The following UGGT2 variants were observed in gnomAD, a reference collection of about 807,000 sequenced individuals.
UGGT2 encodes the protein UDP-glucose glycoprotein glucosyltransferase 2.
A neutral mutation model predicts 192.1 loss-of-function variants in UGGT2; 180 were observed. The observed-to-expected ratio is 0.94, with a 90% CI of 0.83 to 1.06. The LOEUF (loss-of-function observed/expected upper bound fraction) is 1.06. Among genes scored for constraint, UGGT2 ranks in the 50% least tolerant of loss-of-function variants. UGGT2 has a pLI of 0.00. For missense variants in UGGT2, 1,849 were observed against 1,795.7 expected (o/e 1.03, Z -0.54); for synonymous variants, 580 against 591.0 (o/e 0.98, Z 0.27).
intron 38 of UGGT2, among the ~76,000 whole-genome samples, chr13:95,817,645 C>T (rs1427307572): frequency 2.0e-5 from 3 of 152,074 alleles, no homozygotes; most frequent in African/African-American, 2.4e-5. Context: ...ATACCTAAAA[C>T]TTACGAATGT....
At chr13:95,911,853 C>A (rs2048509349) in intron 20 of UGGT2, among the ~76,000 whole-genome samples, 1 of 152,162 alleles carries the variant, frequency 6.6e-6, no homozygotes, top group African/African-American at 2.4e-5. Flanking sequence ...TACTGGCAAA[C>A]CAAATCCAGC....
chr13:95,845,576 A>G (rs909512103), intron 36 of UGGT2, among the ~76,000 whole-genome samples: 2 of 151,660 alleles, frequency 1.3e-5, no homozygotes, highest in Admixed American at 6.6e-5. Flanking sequence ...TTCTTTCTAC[A>G]CAGACACAGT....
Position 95,859,578 on chromosome 13 carries a change from G to C in UGGT2, c.3825+13C>G, listed in dbSNP as rs770802796. 7.5e-6 allele frequency: 12 copies of C among 1,591,882 alleles called. No individual in the cohort carries two copies. Among genetic ancestry groups the C allele is most frequent in the Non-Finnish European group, 8.6e-6 (10 of 1,163,664 alleles). ...AAACATTAACCATTCTACAAAAAAAGCTATGTACTTACTTTAAATGTCGGT... is the reference window on the plus strand; with the variant it reads ...AAACATTAACCATTCTACAAAAAAACCTATGTACTTACTTTAAATGTCGGT... On this transcript the variant is annotated intron_variant, in intron 33 of 38. Transcript: ENST00000376747.
intron 12 of UGGT2, among the ~76,000 whole-genome samples, chr13:95,968,217 A>AGTAC (rs1301320383): frequency 2.2e-4 from 34 of 152,116 alleles, no homozygotes; most frequent in African/African-American, 8.0e-4. Context: ...ATATTTATTG[A>AGTAC]GTACCACTAA....
At chr13:96,051,676 G>A (rs559573452) in intron 1 of UGGT2, among the ~76,000 whole-genome samples, 1 of 151,354 alleles carries the variant, frequency 6.6e-6, no homozygotes, top group South Asian at 2.1e-4. Context: ...GTGGGCTAAG[G>A]ACATGAATAG....
chr13:95,895,392 T>C (rs1594256864), intron 22 of UGGT2, 88 bp from the exon 23 acceptor site: 1 of 843,258 alleles, frequency 1.2e-6, no homozygotes, highest in South Asian at 2.6e-5. Context: ...GATATTTCTT[T>C]ATTAAGCAAA....
intron 36 of UGGT2, among the ~76,000 whole-genome samples, chr13:95,841,409 G>A (rs551349880): frequency 1.3e-5 from 2 of 152,250 alleles, no homozygotes; most frequent in Non-Finnish European, 2.9e-5. Context: ...CTCTATTGGG[G>A]ATGGTCATCT....
In UGGT2 at chr13:95,900,897, A is replaced by C; in HGVS notation, c.2544T>G (p.Val848=). The C allele has an allele frequency of 6.2e-7, 1 of 1,609,250 alleles. No homozygotes were observed. ...GGTGAGTTCGAAAAATATTCACTCC[A>C]ACAGTATTATATTTTTTCTCAAAAG... ...KNAFEKKYNT[V]GVNIFRTHQL... The change falls in exon 22 of 39, where the codon GTT becomes GTG. Residue 848 remains valine, a synonymous_variant. Coordinates refer to ENST00000376747, the MANE Select transcript of UGGT2 (RefSeq NM_020121.4).
intron 22 of UGGT2, 101 bp downstream of exon 22, chr13:95,900,706 C>CTG (rs1228401134): frequency 2.4e-5 from 32 of 1,307,220 alleles, no homozygotes; most frequent in Non-Finnish European, 2.9e-5. Context: ...ACACCGTCCT[C>CTG]TGTGTGTGTC....
At chr13:95,936,045 C>T (rs2049452693) in intron 17 of UGGT2, among the ~76,000 whole-genome samples, 1 of 152,108 alleles carries the variant, frequency 6.6e-6, no homozygotes, top group Admixed American at 6.5e-5. Flanking sequence ...CCAGGCTGGT[C>T]TCAAACTCAT....
chr13:95,906,991 A>G (rs1299395477), intron 20 of UGGT2, among the ~76,000 whole-genome samples: 2 of 152,170 alleles, frequency 1.3e-5, no homozygotes, highest in Non-Finnish European at 2.9e-5. Flanking sequence ...GGGTGGGGGA[A>G]TTTCCCTTTC....
chr13:95,867,472 A>G (rs1313112762), intron 29 of UGGT2, 49 bp from the exon 30 acceptor site: 1 of 1,437,784 alleles, frequency 7.0e-7, no homozygotes, highest in African/African-American at 1.4e-5. Flanking sequence ...TAGACATACA[A>G]TTATGATGGC....
chr13:95,968,386 T>C (rs995618522), intron 12 of UGGT2, among the ~76,000 whole-genome samples: 3 of 152,186 alleles, frequency 2.0e-5, no homozygotes, highest in African/African-American at 7.2e-5. Context: ...TGACATATAA[T>C]GTATGTATAT....
At chr13:95,906,501 A>G (rs185521282) in intron 20 of UGGT2, among the ~76,000 whole-genome samples, 1 of 152,284 alleles carries the variant, frequency 6.6e-6, no homozygotes, top group Admixed American at 6.5e-5. Flanking sequence ...GCATGCCAAC[A>G]TATGCATTAT....
intron 38 of UGGT2, among the ~76,000 whole-genome samples, chr13:95,804,853 G>C (rs1411132483): frequency 6.6e-6 from 1 of 152,018 alleles, no homozygotes; most frequent in Non-Finnish European, 1.5e-5. Context: ...GGAACACATA[G>C]GGAAAAATCT....
chr13:95,950,633 T>C (rs1353805407), intron 12 of UGGT2, among the ~76,000 whole-genome samples: 1 of 148,072 alleles, frequency 6.8e-6, no homozygotes, highest in Non-Finnish European at 1.5e-5. Context: ...CAAAGATTAC[T>C]TAGACAAGGA....
chr13:95,936,440 T>C (rs2049465146), intron 17 of UGGT2, among the ~76,000 whole-genome samples: 2 of 152,218 alleles, frequency 1.3e-5, no homozygotes, highest in African/African-American at 4.8e-5. Flanking sequence ...GGCTGATCTG[T>C]GGTGTGCACA....
Position 95,833,052 on chromosome 13 carries a change from C to T in UGGT2, c.4403G>A (p.Cys1468Tyr), listed in dbSNP as rs781521598. The change falls in exon 38 of 39, where the codon TGC becomes TAC. Residue 1468 changes from cysteine to tyrosine, a missense_variant and splice_region_variant. Transcript: ENST00000376747. The stretch of plus-strand genomic sequence containing the variant: ...GGATTCTTTTGTTTTGGGATTATTG[C>T]ACTAAAAGTTTAAGTAAATTTTGTT... ...SKQRAKTIDL[C>Y]NNPKTKESKL... 1.2e-6 allele frequency: 2 copies of T among 1,611,146 alleles called. No individual in the cohort carries two copies. The highest frequency in any genetic ancestry group is 1.7e-6 in the Non-Finnish European group (2 of 1,178,216).
At chr13:95,975,577 C>T (rs889391616) in intron 10 of UGGT2, among the ~76,000 whole-genome samples, 4 of 152,072 alleles carry the variant, frequency 2.6e-5, no homozygotes, top group South Asian at 2.1e-4. Context: ...GAAATAAATG[C>T]AAATCCTAAT....
Sources: allele counts gnomAD v4.1 joint callset (sites outside exome capture counted in the v4.1 genomes callset), GRCh38; gene constraint gnomAD v4.1.1; transcripts MANE v1.5; gene names NCBI Gene and HGNC (gene_info 2026-07-23, HGNC 2026-07-21).